Variants in COL13A1 observed in about 807,000 individuals in gnomAD.
COL13A1 encodes the protein collagen alpha-1(XIII) chain.
Under a neutral mutation model 130.9 loss-of-function variants are expected in COL13A1, and 89 were observed. The ratio of observed to expected loss-of-function variants is 0.68; its 90% CI spans 0.57 to 0.81. COL13A1 has a LOEUF of 0.81. COL13A1 is among the 30% of genes least tolerant of loss of function. The pLI is 0.00. For synonymous variants in COL13A1, 402 were observed against 341.6 expected (o/e 1.18, Z -1.95); for missense variants, 879 against 934.6 (o/e 0.94, Z 0.78).
intron 17 of COL13A1, among the ~76,000 whole-genome samples, chr10:69,914,425 G>A (rs908250306): frequency 1.3e-5 from 2 of 152,184 alleles, no homozygotes; most frequent in Non-Finnish European, 2.9e-5. Flanking sequence ...CCAGTGGATG[G>A]GAGGTATCTG....
In COL13A1 at chr10:69,929,106, C is replaced by T. The variant is rs2065770645; in HGVS notation, c.1485+107C>T. 4.7e-6 allele frequency: 4 copies of T among 851,978 alleles called. No homozygotes were observed. In the Admixed American group the frequency reaches 9.8e-5, roughly 21 times the overall value. The allele number at this position is 851,978 out of a possible 1,614,324, so 52.8% of individuals were successfully genotyped here. ...ATCTTCCCAGCACTACCACCATACC[C>T]TCCTGCTGCTCCAAGGCACCAGGGG... is the stretch of plus-strand genomic sequence containing the variant. On this transcript the variant is annotated intron_variant, in intron 28 of 40. Coordinates refer to ENST00000645393, the MANE Select transcript of COL13A1 (RefSeq NM_001368882.1).
chr10:69,920,011 T>C (rs944808718), intron 21 of COL13A1, among the ~76,000 whole-genome samples: 2 of 152,116 alleles, frequency 1.3e-5, no homozygotes, highest in African/African-American at 4.8e-5. Context: ...CCTTTCCTTC[T>C]CCACATGGCC....
chr10:69,918,503 T>C (rs895437724), intron 19 of COL13A1, among the ~76,000 whole-genome samples, 186 bp downstream of exon 19: 15 of 152,226 alleles, frequency 9.9e-5, no homozygotes, highest in African/African-American at 3.4e-4. Context: ...GATGTGTAAC[T>C]AAGCCTTGCA....
intron 2 of COL13A1, among the ~76,000 whole-genome samples, chr10:69,838,477 T>G (rs1850692656): frequency 6.6e-6 from 1 of 152,190 alleles, no homozygotes; most frequent in Non-Finnish European, 1.5e-5. Context: ...GAAGGAGATG[T>G]ATGTAAAGCA....
intron 15 of COL13A1, 27 bp from the exon 16 acceptor site, chr10:69,904,898 CTTTTTTCT>C: frequency 6.6e-7 from 1 of 1,516,386 alleles, no homozygotes; most frequent in Non-Finnish European, 8.8e-7. Flanking sequence ...CTCACCTTTT[CTTTTTTCT>C]TTTTTTTTTT....
intron 2 of COL13A1, among the ~76,000 whole-genome samples, chr10:69,863,695 T>G (rs2133887439): frequency 6.6e-6 from 1 of 152,116 alleles, no homozygotes; most frequent in South Asian, 2.1e-4. Context: ...CCTGAGAACT[T>G]CATGACCTCC....
chr10:69,904,409 C>T (rs1315687755), intron 15 of COL13A1, among the ~76,000 whole-genome samples: 1 of 152,098 alleles, frequency 6.6e-6, no homozygotes, highest in Non-Finnish European at 1.5e-5. Flanking sequence ...CACACCTACA[C>T]CCAAGGCTGC....
At position 69,918,333 on chromosome 10, in the gene COL13A1, T is replaced by G. The variant is rs374358331; in HGVS notation, c.999+16T>G. On this transcript the variant is annotated intron_variant, in intron 19 of 40. Coordinates refer to ENST00000645393, the MANE Select transcript of COL13A1 (RefSeq NM_001368882.1). ...TGGGATGAAGGTCAGTGGACTGTTG[T>G]AACCAACACATCAGGGACAGGGTGG... is the stretch of plus-strand genomic sequence containing the variant. 1 of 1,612,634 alleles carries G rather than the reference T, an allele frequency of 6.2e-7. No homozygotes were observed. The highest frequency in any genetic ancestry group is 8.5e-7 in the Non-Finnish European group (1 of 1,179,218).
At chr10:69,894,811 C>T in intron 12 of COL13A1, 110 bp downstream of exon 12, 2 of 1,429,300 alleles carry the variant, frequency 1.4e-6, no homozygotes, top group Non-Finnish European at 1.9e-6. Context: ...ATTGACAGAA[C>T]CAGGAAAGCC....
intron 27 of COL13A1, among the ~76,000 whole-genome samples, chr10:69,928,567 C>T (rs2135780377): frequency 6.6e-6 from 1 of 152,280 alleles, no homozygotes; most frequent in East Asian, 1.9e-4. Flanking sequence ...TATGGATGTA[C>T]CATGCATTCC....
rs187905637 is a variant in COL13A1, at chr10:69,834,829, C to T, written c.364+12391C>T. ...GATGCCTCATGGAAATGCTGAGGGC[C>T]CTGGAACAGTTCGTCCAGAGGGAGA... is the stretch of plus-strand genomic sequence containing the variant. On this transcript the variant is annotated intron_variant, in intron 2 of 40. Coordinates refer to ENST00000645393, the MANE Select transcript of COL13A1 (RefSeq NM_001368882.1). Among the ~76,000 whole-genome samples, 41 of 152,180 alleles carry T rather than the reference C, an allele frequency of 2.7e-4. No homozygotes were observed. The East Asian group carries it at 7.9e-3, about 29-fold the overall frequency.
At chr10:69,945,332 A>G (rs2068334057) in intron 36 of COL13A1, among the ~76,000 whole-genome samples, 1 of 152,272 alleles carries the variant, frequency 6.6e-6, no homozygotes, top group Non-Finnish European at 1.5e-5. Context: ...GAAGAAAGCA[A>G]AGCTCTCTTT....
At position 69,922,239 on chromosome 10, in the gene COL13A1, T is replaced by TA. The variant is rs141298556; in HGVS notation, c.1143+315dup. Among the ~76,000 whole-genome samples the TA allele has an allele frequency of 2.6e-3, 379 of 145,660 alleles. 1 individual carries two copies. Among genetic ancestry groups the TA allele is most frequent in the Admixed American group, 6.2e-3 (90 of 14,604 alleles). On this transcript the variant is annotated intron_variant, in intron 22 of 40. Coordinates refer to ENST00000645393, the MANE Select transcript of COL13A1 (RefSeq NM_001368882.1). ...TCTGTAAGATATTTAATTTAAAAATTAAAAAAAAAAAGATGAGGCCAAAAT... is the reference window on the plus strand; with the variant it reads ...TCTGTAAGATATTTAATTTAAAAATTAAAAAAAAAAAAGATGAGGCCAAAAT...
chr10:69,903,074 C>T (rs2062368382), intron 15 of COL13A1, among the ~76,000 whole-genome samples: 1 of 152,236 alleles, frequency 6.6e-6, no homozygotes, highest in Admixed American at 6.5e-5. Flanking sequence ...TCCCTGCCTT[C>T]CAGGGAGGAG....
At chr10:69,918,964 A>G (rs546159490) in intron 19 of COL13A1, 98 bp from the exon 20 acceptor site, 2 of 1,441,498 alleles carry the variant, frequency 1.4e-6, no homozygotes, top group Admixed American at 3.4e-5. Flanking sequence ...CACTAACCCC[A>G]CCCTGACTGC....
chr10:69,821,375 C>T (rs1227777), intron 1 of COL13A1, among the ~76,000 whole-genome samples: 89,186 of 152,092 alleles, frequency 0.59, 27,082 homozygotes, highest in South Asian at 0.74. Flanking sequence ...AGCTCTGTAC[C>T]TTACTTCAGC....
intron 15 of COL13A1, among the ~76,000 whole-genome samples, chr10:69,903,415 C>G (rs1311203611): frequency 6.6e-6 from 1 of 152,232 alleles, no homozygotes; most frequent in Non-Finnish European, 1.5e-5. Context: ...GAGAGGCCAA[C>G]TGGCACCTCT....
At chr10:69,888,877 C>T (rs545540932) in intron 9 of COL13A1, among the ~76,000 whole-genome samples, 5 of 152,254 alleles carry the variant, frequency 3.3e-5, no homozygotes, top group African/African-American at 1.2e-4. Flanking sequence ...GAAAGGAGTC[C>T]CCTCCCCAGT....
chr10:69,805,786 G>A (rs1287394623), intron 1 of COL13A1, among the ~76,000 whole-genome samples: 3 of 152,230 alleles, frequency 2.0e-5, no homozygotes, highest in Non-Finnish European at 2.9e-5. Context: ...GCAAAGGGCA[G>A]AGGAGAGCAA....
Sources: allele counts gnomAD v4.1 joint callset (sites outside exome capture counted in the v4.1 genomes callset), GRCh38; gene constraint gnomAD v4.1.1; transcripts MANE v1.5; gene names NCBI Gene and HGNC (gene_info 2026-07-23, HGNC 2026-07-21).